ATP6V0D1: variants seen among roughly 807,000 people sequenced by gnomAD.
ATP6V0D1 encodes ATPase H+ transporting V0 subunit d1.
ATP6V0D1 carries 13 observed loss-of-function variants against 39.0 expected under a neutral mutation model. That is an observed-to-expected ratio of 0.33 (90% CI 0.22 to 0.53). The LOEUF is 0.53. Ranked by LOEUF, ATP6V0D1 falls within the 20% of genes least tolerant of loss-of-function variation. The probability of loss-of-function intolerance (pLI) is 0.94; values close to 1 mark genes in which losing one functional copy is unlikely to be tolerated. For synonymous variants in ATP6V0D1, 191 were observed against 191.2 expected (o/e 1.00, Z 0.01); for missense variants, 272 against 470.9 (o/e 0.58, Z 3.91).
chr16:67,468,871 G>T (rs1451068066), intron 1 of ATP6V0D1, among the ~76,000 whole-genome samples: 3 of 152,134 alleles, frequency 2.0e-5, no homozygotes, highest in East Asian at 1.9e-4. Flanking sequence ...CCAAGAAATC[G>T]CTGAGTAAAC....
intron 1 of ATP6V0D1, 147 bp downstream of exon 1, chr16:67,480,810 G>A (rs1430184466): frequency 2.5e-6 from 3 of 1,212,462 alleles, no homozygotes; most frequent in Non-Finnish European, 3.4e-6. Context: ...GGTAGATCCC[G>A]CTCCTGCGCG....
At chr16:67,452,871 C>G (rs1174411220) in intron 2 of ATP6V0D1, among the ~76,000 whole-genome samples, 1 of 152,224 alleles carries the variant, frequency 6.6e-6, no homozygotes, top group Non-Finnish European at 1.5e-5. Flanking sequence ...TTGATGAAGG[C>G]AGAGCTGTGC....
intron 1 of ATP6V0D1, among the ~76,000 whole-genome samples, chr16:67,470,199 C>T (rs1300172005): frequency 6.6e-6 from 1 of 152,154 alleles, no homozygotes; most frequent in African/African-American, 2.4e-5. Context: ...CTACGGGACA[C>T]AATCTTATAA....
chr16:67,472,638 C>T (rs777604745), intron 1 of ATP6V0D1, among the ~76,000 whole-genome samples: 1 of 152,110 alleles, frequency 6.6e-6, no homozygotes, highest in Non-Finnish European at 1.5e-5. Flanking sequence ...GATGCCAAGA[C>T]GGGAGGATCA....
intron 4 of ATP6V0D1, among the ~76,000 whole-genome samples, chr16:67,442,156 C>T (rs1242257916): frequency 6.6e-6 from 1 of 152,284 alleles, no homozygotes; most frequent in African/African-American, 2.4e-5. Context: ...ACCACCAACC[C>T]TCACTGTGCT....
At position 67,444,385 on chromosome 16, in the gene ATP6V0D1, G is replaced by T. The variant is rs1597569367; in HGVS notation, c.481+143C>A. On this transcript the variant is annotated intron_variant, in intron 3 of 7. Coordinates refer to ENST00000290949, the MANE Select transcript of ATP6V0D1 (RefSeq NM_004691.5). This position sits in a 1 kb window ranked among gnomAD's most constrained non-coding sequence, Gnocchi z 4.8. The stretch of plus-strand genomic sequence containing the variant: ...AGTGAGGAGAGAATCGGAGGAGGAA[G>T]TTGAAGGGAGACAAAGGTAAGCAGC... 1 of 867,758 alleles carries T rather than the reference G, an allele frequency of 1.2e-6. No homozygotes were observed. The highest frequency in any genetic ancestry group is 1.9e-5 in the South Asian group (1 of 53,854). The allele number at this position is 867,758 out of a possible 1,614,324, so 53.8% of individuals were successfully genotyped here. A position where few individuals can be genotyped will look rare whatever the true frequency, so the allele number is the denominator to read the frequency against.
At chr16:67,463,429 G>A (rs529016728) in intron 1 of ATP6V0D1, among the ~76,000 whole-genome samples, 1 of 152,196 alleles carries the variant, frequency 6.6e-6, no homozygotes, top group East Asian at 1.9e-4. Context: ...TACTCGAAAG[G>A]CTAAGGTGAG....
At chr16:67,468,155 G>A (rs1192550955) in intron 1 of ATP6V0D1, among the ~76,000 whole-genome samples, 3 of 151,998 alleles carry the variant, frequency 2.0e-5, no homozygotes, top group Non-Finnish European at 4.4e-5. Flanking sequence ...GCCAGACATG[G>A]TAACACATGC....
intron 7 of ATP6V0D1, 29 bp from the exon 8 acceptor site, chr16:67,438,718 G>A (rs746441844): frequency 1.2e-6 from 2 of 1,614,120 alleles, no homozygotes; most frequent in South Asian, 2.2e-5. Context: ...GTGGTGTCCA[G>A]GTGGCCATGG....
chr16:67,457,516 C>A, intron 1 of ATP6V0D1: 2 of 1,230,872 alleles, frequency 1.6e-6, no homozygotes, highest in South Asian at 2.5e-5. Flanking sequence ...GAAGCCAGGG[C>A]ATGCCTTCTT....
In ATP6V0D1 at chr16:67,443,176, C is replaced by G. The variant is rs1327047500; in HGVS notation, c.484G>C (p.Ala162Pro). ...TCTGAAATGCAGTCCTGGAAAAAAG[C>G]CGCTGGGGAGGAAACATGGTTTGAG... is the stretch of plus-strand genomic sequence containing the variant. ...NAILVDTPLAAFFQDCISEQD... is the reference protein window; with the variant it reads ...NAILVDTPLAPFFQDCISEQD... The change falls in exon 4 of 8, where the codon GCT (alanine) becomes CCT (proline). Residue 162 changes from alanine to proline, a missense_variant and splice_region_variant. By Grantham distance (27) the Ala-to-Pro change is conservative. Coordinates refer to ENST00000290949, the MANE Select transcript of ATP6V0D1 (RefSeq NM_004691.5). The G allele has an allele frequency of 6.2e-7, 1 of 1,613,778 alleles. No homozygotes were observed. The highest frequency in any genetic ancestry group is 1.3e-5 in the African/African-American group (1 of 74,910).
In ATP6V0D1 at chr16:67,453,366, C is replaced by T. The variant is rs1013619073; in HGVS notation, c.302+178G>A. ...CAGGGTTGTTGAATGACCACGCACA[C>T]AGTCAGGGAGGACTCTGAAGGTAGG... is the stretch of plus-strand genomic sequence containing the variant. On this transcript the variant is annotated intron_variant, in intron 2 of 7. Coordinates refer to ENST00000290949, the MANE Select transcript of ATP6V0D1 (RefSeq NM_004691.5). The surrounding 1 kb of genome is among the most constrained non-coding windows in gnomAD (Gnocchi z 4.1). Among the ~76,000 whole-genome samples, 2 of 152,196 alleles carry T rather than the reference C, an allele frequency of 1.3e-5. No homozygotes were observed. Among genetic ancestry groups the T allele is most frequent in the African/African-American group, 4.8e-5 (2 of 41,446 alleles).
At chr16:67,474,052 T>C (rs1026714055) in intron 1 of ATP6V0D1, among the ~76,000 whole-genome samples, 2 of 152,226 alleles carry the variant, frequency 1.3e-5, no homozygotes, top group African/African-American at 4.8e-5. Flanking sequence ...CTGCACTTAC[T>C]GTGCACTCAA....
At chr16:67,474,258 T>C (rs1285721656) in intron 1 of ATP6V0D1, among the ~76,000 whole-genome samples, 1 of 152,186 alleles carries the variant, frequency 6.6e-6, no homozygotes, top group African/African-American at 2.4e-5. Context: ...GTGCTTACAC[T>C]TCACAAACAT....
intron 2 of ATP6V0D1, among the ~76,000 whole-genome samples, chr16:67,452,617 C>G (rs1341760370): frequency 2.6e-5 from 4 of 152,240 alleles, no homozygotes; most frequent in African/African-American, 9.6e-5. Context: ...TCTGCCAATG[C>G]AGGGTACTCT....
chr16:67,449,083 G>A (rs1486322759), intron 2 of ATP6V0D1, among the ~76,000 whole-genome samples: 1 of 152,236 alleles, frequency 6.6e-6, no homozygotes, highest in African/African-American at 2.4e-5. Flanking sequence ...AGGCCCATTA[G>A]GCATTTGAGG....
At chr16:67,466,629 G>T (rs2041333128) in intron 1 of ATP6V0D1, among the ~76,000 whole-genome samples, 2 of 152,024 alleles carry the variant, frequency 1.3e-5, no homozygotes, top group Non-Finnish European at 2.9e-5. Context: ...GAGCCCAGAA[G>T]TTTTGAGACC....
At chr16:67,480,786 G>A (rs2142341094) in intron 1 of ATP6V0D1, among the ~76,000 whole-genome samples, 171 bp downstream of exon 1, 1 of 152,300 alleles carries the variant, frequency 6.6e-6, no homozygotes, top group Middle Eastern at 3.4e-3. Flanking sequence ...GGCCCGCGCC[G>A]AGCCACAGCT....
At chr16:67,480,605 G>A (rs2041462061) in intron 1 of ATP6V0D1, among the ~76,000 whole-genome samples, 1 of 152,076 alleles carries the variant, frequency 6.6e-6, no homozygotes, top group Non-Finnish European at 1.5e-5. Flanking sequence ...GTTGCTACGC[G>A]ACAGCTCTCG....
Sources: gnomAD v4.1 joint callset for allele counts (sites outside exome capture counted in the v4.1 genomes callset) on GRCh38, gnomAD v4.1.1 for gene constraint, Gnocchi (gnomAD v3.1) non-coding constraint, MANE v1.5 for transcripts, NCBI Gene and HGNC (gene_info 2026-07-23, HGNC 2026-07-21) for gene names.